EPSTI1: variants seen among roughly 807,000 people sequenced by gnomAD.
EPSTI1 encodes the protein epithelial stromal interaction 1.
Under a neutral mutation model 49.9 loss-of-function variants are expected in EPSTI1, and 66 were observed. That is an observed-to-expected ratio of 1.32 (90% CI 1.08 to 1.62). The LOEUF (loss-of-function observed/expected upper bound fraction) is 1.62. Ranked by LOEUF, EPSTI1 falls within the 40% of genes most tolerant of loss-of-function variation. The probability of loss-of-function intolerance (pLI) is 0.00; values close to 1 mark genes in which losing one functional copy is unlikely to be tolerated. For missense variants in EPSTI1, 394 were observed against 365.5 expected, an observed-to-expected ratio of 1.08 and a Z score of -0.64; for synonymous variants, 137 against 130.7, an observed-to-expected ratio of 1.05 and a Z score of -0.33.
intron 1 of EPSTI1, among the ~76,000 whole-genome samples, chr13:42,985,038 T>TA (rs2040053007): frequency 6.6e-6 from 1 of 152,002 alleles, no homozygotes; most frequent in Admixed American, 6.6e-5. Flanking sequence ...AAGAGATGGA[T>TA]AAGGGGGAAT....
chr13:42,903,405 C>T (rs1307938093), intron 8 of EPSTI1, among the ~76,000 whole-genome samples: 2 of 151,974 alleles, frequency 1.3e-5, no homozygotes, highest in African/African-American at 4.8e-5. Context: ...CACACTGGGG[C>T]CTGTTGGAGT....
chr13:42,891,150 G>A (rs2037022980), intron 10 of EPSTI1, among the ~76,000 whole-genome samples: 4 of 152,218 alleles, frequency 2.6e-5, no homozygotes, highest in Middle Eastern at 3.4e-3. Context: ...AAAATCTTGT[G>A]ATTGTTTTGA....
At chr13:42,911,244 AGTGTGTGT>A (rs372327588) in intron 8 of EPSTI1, among the ~76,000 whole-genome samples, 1 of 147,038 alleles carries the variant, frequency 6.8e-6, no homozygotes, top group African/African-American at 2.6e-5. Context: ...AGAGAGAGAG[AGTGTGTGT>A]GTGTGTGTGT....
intron 6 of EPSTI1, among the ~76,000 whole-genome samples, chr13:42,928,005 C>A (rs1481853699): frequency 6.6e-6 from 1 of 152,208 alleles, no homozygotes; most frequent in Non-Finnish European, 1.5e-5. Flanking sequence ...ACAGGCAGCC[C>A]TTCAGTTTAC....
rs1226915673 is a variant in EPSTI1 at position 42,922,483 on chromosome 13, G to C, written c.657+3853C>G. 6.6e-6 allele frequency among the ~76,000 whole-genome samples: 1 copy of C among 152,166 alleles called. No homozygotes were observed. Among genetic ancestry groups the C allele is most frequent in the Non-Finnish European group, 1.5e-5 (1 of 68,022 alleles). The stretch of plus-strand genomic sequence containing the variant: ...CAGCCGTGTGCCAAGGGTTTGCGGG[G>C]ACAGGGGACAGATGCCCCCCGGAAG... On this transcript the variant is annotated intron_variant, in intron 7 of 10. Coordinates refer to ENST00000313624, the MANE Select transcript of EPSTI1 (RefSeq NM_033255.5). This position sits in a 1 kb window ranked among gnomAD's most constrained non-coding sequence, Gnocchi z 4.8.
At chr13:42,979,128 G>A (rs564167479) in intron 1 of EPSTI1, among the ~76,000 whole-genome samples, 15 of 152,142 alleles carry the variant, frequency 9.9e-5, no homozygotes, top group East Asian at 3.9e-4. Context: ...AACGTATAAC[G>A]TAACTACAGA....
At chr13:42,895,202 G>A (rs1336766213) in intron 9 of EPSTI1, 94 bp from the exon 10 acceptor site, 4 of 910,998 alleles carry the variant, frequency 4.4e-6, no homozygotes, top group Non-Finnish European at 6.6e-6. Context: ...CTGACCATGG[G>A]GATAGCTTCC....
chr13:42,927,684 G>A (rs2038228391), intron 6 of EPSTI1, among the ~76,000 whole-genome samples: 1 of 152,180 alleles, frequency 6.6e-6, no homozygotes, highest in African/African-American at 2.4e-5. Flanking sequence ...ATCTGGGGAA[G>A]GAAGAAATAA....
At chr13:42,982,725 T>A (rs1594762442) in intron 1 of EPSTI1, among the ~76,000 whole-genome samples, 1 of 152,254 alleles carries the variant, frequency 6.6e-6, no homozygotes, top group Non-Finnish European at 1.5e-5. Flanking sequence ...ACCTTGGTAT[T>A]TGAGAAAACA....
intron 9 of EPSTI1, among the ~76,000 whole-genome samples, chr13:42,895,397 A>C (rs2037161964): frequency 6.6e-6 from 1 of 151,692 alleles, no homozygotes; most frequent in African/African-American, 2.4e-5. Context: ...TTCAAGAAAG[A>C]AACTACAGCC....
At chr13:42,921,007 G>C (rs1249152412) in intron 7 of EPSTI1, among the ~76,000 whole-genome samples, 1 of 152,048 alleles carries the variant, frequency 6.6e-6, no homozygotes, top group Non-Finnish European at 1.5e-5. Flanking sequence ...GGTAGTCACA[G>C]ATAACTTACA....
Position 42,888,166 on chromosome 13 carries a change from C to T in EPSTI1, c.*328G>A, listed in dbSNP as rs981996122. 2 of 1,466,964 alleles carry T rather than the reference C, an allele frequency of 1.4e-6. No individual in the cohort carries two copies. Among genetic ancestry groups the T allele is most frequent in the Non-Finnish European group, 1.9e-6 (2 of 1,077,854 alleles). 90.9% of individuals were successfully genotyped at this position (1,466,964 alleles called of 1,614,324 possible). A position where few individuals can be genotyped will look rare whatever the true frequency, so the allele number is the denominator to read the frequency against. Reference sequence around the variant, plus strand: ...GTCACTTAGAAAGACAAGCCTGTAGCACCCATAGCTCTGATTAACCTGAAA... The same window carrying T: ...GTCACTTAGAAAGACAAGCCTGTAGTACCCATAGCTCTGATTAACCTGAAA... On this transcript the variant is annotated 3_prime_UTR_variant, in exon 11 of 11. Coordinates refer to ENST00000313624, the MANE Select transcript of EPSTI1 (RefSeq NM_033255.5).
At position 42,888,259 on chromosome 13, in the gene EPSTI1, T is replaced by TA; in HGVS notation, c.*234dup. The TA allele has an allele frequency of 6.2e-7, 1 of 1,613,590 alleles. No individual in the cohort carries two copies. The highest frequency in any genetic ancestry group is 1.1e-5 in the South Asian group (1 of 91,036). ...CTAATTATACTTCCAATTAGAAAAA[T>TA]AATGTAGCATTTCCCTGGCAGTAGA... On this transcript the variant is annotated 3_prime_UTR_variant, in exon 11 of 11. Transcript: ENST00000313624.
chr13:42,920,773 C>T (rs1203940269), intron 7 of EPSTI1, among the ~76,000 whole-genome samples: 1 of 152,156 alleles, frequency 6.6e-6, no homozygotes, highest in Non-Finnish European at 1.5e-5. Context: ...GTCCTGCATA[C>T]TGACCAGTGA....
At chr13:42,932,929 T>A (rs1217424561) in intron 6 of EPSTI1, among the ~76,000 whole-genome samples, 2 of 152,082 alleles carry the variant, frequency 1.3e-5, no homozygotes, top group Admixed American at 6.5e-5. Context: ...TGAGAAAACA[T>A]CAAACAAACC....
At chr13:42,890,511 G>A (rs148503424) in intron 10 of EPSTI1, among the ~76,000 whole-genome samples, 4,307 of 152,046 alleles carry the variant, frequency 0.028, 88 homozygotes, top group Non-Finnish European at 0.044. Flanking sequence ...TGTTAGCCAG[G>A]ATGGTCTCGA....
intron 6 of EPSTI1, among the ~76,000 whole-genome samples, chr13:42,938,932 A>AAAAAAAAAAAAAAAAAAC (rs1566136910): frequency 3.3e-5 from 5 of 149,768 alleles, no homozygotes; most frequent in Non-Finnish European, 3.0e-5. Context: ...AAAAAAAAAA[A>AAAAAAAAAAAAAAAAAAC]TCTGTTGTTT....
At chr13:42,927,228 CT>C (rs2038212730) in intron 6 of EPSTI1, among the ~76,000 whole-genome samples, 1 of 152,200 alleles carries the variant, frequency 6.6e-6, no homozygotes. Flanking sequence ...CCAATTTCCC[CT>C]CTCACTTATG....
At chr13:42,915,663 G>A (rs1282524456) in intron 8 of EPSTI1, among the ~76,000 whole-genome samples, 1 of 152,082 alleles carries the variant, frequency 6.6e-6, no homozygotes, top group Non-Finnish European at 1.5e-5. Context: ...AAATCCCTAA[G>A]GATGGAATTA....
Sources: allele counts gnomAD v4.1 joint callset (sites outside exome capture counted in the v4.1 genomes callset), GRCh38; gene constraint gnomAD v4.1.1; non-coding constraint Gnocchi (gnomAD v3.1); transcripts MANE v1.5; gene names NCBI Gene and HGNC (gene_info 2026-07-23, HGNC 2026-07-21).